AKAIN1: variants seen among roughly 807,000 people sequenced by gnomAD.
AKAIN1 encodes A-kinase anchor protein inhibitor 1.
Under a neutral mutation model 3.7 loss-of-function variants are expected in AKAIN1, and 3 were observed. The ratio of observed to expected loss-of-function variants is 0.82; its 90% CI spans 0.37 to 2.12. AKAIN1 has a LOEUF of 2.12. Ranked by LOEUF, AKAIN1 falls within the 30% of genes most tolerant of loss-of-function variation. The pLI, the probability that AKAIN1 is intolerant of heterozygous loss-of-function variation, is 0.06. For synonymous variants in AKAIN1, 31 were observed against 30.8 expected, an observed-to-expected ratio of 1.01 and a Z score of -0.02; for missense variants, 82 against 82.7, an observed-to-expected ratio of 0.99 and a Z score of 0.03.
chr18:5,194,161 G>A (rs184451957), intron 1 of AKAIN1, among the ~76,000 whole-genome samples: 27 of 152,088 alleles, frequency 1.8e-4, no homozygotes, highest in East Asian at 1.7e-3. Context: ...TAATAATTTC[G>A]TATAGTTCCT....
chr18:5,170,942 C>T (rs72869082), intron 1 of AKAIN1: 52,576 of 151,968 alleles, frequency 0.35, 11,310 homozygotes, highest in East Asian at 0.49. Flanking sequence ...ACAGCATCAA[C>T]CACCGGTCAT....
At chr18:5,184,389 A>G (rs1029027662) in intron 1 of AKAIN1, among the ~76,000 whole-genome samples, 2 of 152,102 alleles carry the variant, frequency 1.3e-5, no homozygotes, top group Non-Finnish European at 2.9e-5. Context: ...ATAGGAGGAA[A>G]GTAAGTCAAA....
intron 1 of AKAIN1, among the ~76,000 whole-genome samples, chr18:5,168,492 G>A (rs2071179097): frequency 6.9e-6 from 1 of 145,296 alleles, no homozygotes; most frequent in African/African-American, 2.8e-5. Flanking sequence ...GCATATTACA[G>A]TTCAGATCCA....
chr18:5,187,038 A>G (rs1258584080), intron 1 of AKAIN1, among the ~76,000 whole-genome samples: 1 of 152,190 alleles, frequency 6.6e-6, no homozygotes, highest in African/African-American at 2.4e-5. Flanking sequence ...ACTCTAAAGC[A>G]ATGCTTAGCT....
At chr18:5,163,578 G>C (rs2071151402) in intron 1 of AKAIN1, 1 of 151,956 alleles carries the variant, frequency 6.6e-6, no homozygotes. Flanking sequence ...AAAATTACTG[G>C]TCAGAAATAC....
chr18:5,163,668 G>A (rs2143334856), intron 1 of AKAIN1: 1 of 152,044 alleles, frequency 6.6e-6, no homozygotes, highest in East Asian at 1.9e-4. Context: ...AAGTCATGTT[G>A]TCTTCTTGGC....
At chr18:5,187,710 G>C (rs1322454413) in intron 1 of AKAIN1, among the ~76,000 whole-genome samples, 4 of 152,050 alleles carry the variant, frequency 2.6e-5, no homozygotes, top group Non-Finnish European at 5.9e-5. Context: ...ATGAGTTTTG[G>C]AGGGACATCC....
intron 1 of AKAIN1, among the ~76,000 whole-genome samples, chr18:5,155,480 TC>T (rs1486410223): frequency 2.0e-5 from 3 of 152,190 alleles, no homozygotes; most frequent in African/African-American, 7.2e-5. Flanking sequence ...CCTGTGCCCC[TC>T]CCCGAAAGTG....
intron 1 of AKAIN1, among the ~76,000 whole-genome samples, chr18:5,178,776 A>G (rs2071240531): frequency 6.6e-6 from 1 of 152,114 alleles, no homozygotes; most frequent in South Asian, 2.1e-4. Flanking sequence ...ACACTCCCCT[A>G]GAGATTTTTA....
At chr18:5,184,296 C>A (rs8096358) in intron 1 of AKAIN1, among the ~76,000 whole-genome samples, 4,753 of 151,966 alleles carry the variant, frequency 0.031, 150 homozygotes, top group East Asian at 0.1. Context: ...AAACACTAAC[C>A]AAAAGAAAGC....
rs573593535 is a variant in AKAIN1 at position 5,184,103 on chromosome 18, AAG to A, written c.16+12933_16+12934del. 1.6e-3 allele frequency among the ~76,000 whole-genome samples: 237 copies of A among 152,222 alleles called. 1 individual carries two copies. Among genetic ancestry groups the A allele is most frequent in the African/African-American group, 5.2e-3 (218 of 41,566 alleles). ...TGTTTATAGTATCAGAGCTGGAACA[AAG>A]AGAGAGTGTTCAACCTTAGCTAGGA... On this transcript the variant is annotated intron_variant, in intron 1 of 1. Transcript: ENST00000434239.
chr18:5,181,462 T>C (rs992348530), intron 1 of AKAIN1, among the ~76,000 whole-genome samples: 1 of 152,168 alleles, frequency 6.6e-6, no homozygotes, highest in Non-Finnish European at 1.5e-5. Context: ...TTATATAAAG[T>C]CGTTCCTTGC....
In AKAIN1 at chr18:5,163,986, T is replaced by G. The variant is rs1012205923; in HGVS notation, c.17-18231A>C. On this transcript the variant is annotated intron_variant, in intron 1 of 1. Transcript: ENST00000434239. Reference sequence around the variant, plus strand: ...ATTGAATAATACAACTATTATGCCTTTGTAGAAAACTGGCGGAAGGGTGTA... The same window carrying G: ...ATTGAATAATACAACTATTATGCCTGTGTAGAAAACTGGCGGAAGGGTGTA... Among the ~76,000 whole-genome samples the G allele has an allele frequency of 2.6e-5, 4 of 152,066 alleles. No homozygotes were observed. In the East Asian group the frequency reaches 5.8e-4, roughly 22 times the overall value.
chr18:5,175,655 C>A (rs2071221973), intron 1 of AKAIN1, among the ~76,000 whole-genome samples: 1 of 152,116 alleles, frequency 6.6e-6, no homozygotes, highest in African/African-American at 2.4e-5. Flanking sequence ...TGCAGCGTTT[C>A]CACTGTTCTG....
At chr18:5,164,481 G>A (rs1331223391) in intron 1 of AKAIN1, among the ~76,000 whole-genome samples, 1 of 151,984 alleles carries the variant, frequency 6.6e-6, no homozygotes, top group African/African-American at 2.4e-5. Flanking sequence ...ACTAAAACAT[G>A]TGGTGTAATT....
In AKAIN1 at chr18:5,191,191, C is replaced by T. The variant is rs143390737; in HGVS notation, c.16+5847G>A. The stretch of plus-strand genomic sequence containing the variant: ...AGAAGCACTAGTCTGTACAAAAAGG[C>T]GTAAAATTAGAAAAGAAGAAATAAA... On this transcript the variant is annotated intron_variant, in intron 1 of 1. Coordinates refer to ENST00000434239, the MANE Select transcript of AKAIN1 (RefSeq NM_001145194.2). Among the ~76,000 whole-genome samples, 553 of 152,130 alleles carry T rather than the reference C, an allele frequency of 3.6e-3. 1 individual carries two copies. The highest frequency in any genetic ancestry group is 5.6e-3 in the Non-Finnish European group (380 of 67,986).
At chr18:5,175,815 G>GT (rs199818881) in intron 1 of AKAIN1, among the ~76,000 whole-genome samples, 2,371 of 151,964 alleles carry the variant, frequency 0.016, 47 homozygotes, top group African/African-American at 0.046. Flanking sequence ...AAATTATAGG[G>GT]TTTTTTTTAA....
At chr18:5,168,600 T>G (rs2071179905) in intron 1 of AKAIN1, among the ~76,000 whole-genome samples, 1 of 152,080 alleles carries the variant, frequency 6.6e-6, no homozygotes, top group Non-Finnish European at 1.5e-5. Context: ...CCACTACAAA[T>G]TTTTTGTAAC....
At chr18:5,151,106 C>A (rs888935669) in intron 1 of AKAIN1, among the ~76,000 whole-genome samples, 2 of 152,104 alleles carry the variant, frequency 1.3e-5, no homozygotes, top group African/African-American at 4.8e-5. Context: ...CCTCCCAGGG[C>A]AAGACAGGAC....
Sources: allele counts gnomAD v4.1 joint callset (sites outside exome capture counted in the v4.1 genomes callset), GRCh38; gene constraint gnomAD v4.1.1; transcripts MANE v1.5; gene names NCBI Gene and HGNC (gene_info 2026-07-23, HGNC 2026-07-21).